Variants in MARK1 observed in about 807,000 individuals in gnomAD.
MARK1 encodes serine/threonine-protein kinase MARK1.
MARK1 carries 40 observed loss-of-function variants against 96.3 expected under a neutral mutation model. The observed-to-expected ratio is 0.42, with a 90% CI of 0.32 to 0.54. The LOEUF (loss-of-function observed/expected upper bound fraction) is 0.54. MARK1 is among the 20% of genes least tolerant of loss of function. The pLI is 0.16. For synonymous variants in MARK1, 317 were observed against 341.2 expected (o/e 0.93, Z 0.78); for missense variants, 719 against 984.6 (o/e 0.73, Z 3.61).
intron 1 of MARK1, among the ~76,000 whole-genome samples, chr1:220,545,439 G>GTTTTTTTTT (rs35422682): frequency 5.7e-5 from 5 of 87,258 alleles, no homozygotes; most frequent in Admixed American, 1.6e-4. Context: ...CTTTCTCATG[G>GTTTTTTTTT]TTTTTTTTTT....
At chr1:220,588,629 C>T (rs1040912002) in intron 3 of MARK1, among the ~76,000 whole-genome samples, 1 of 152,112 alleles carries the variant, frequency 6.6e-6, no homozygotes, top group African/African-American at 2.4e-5. Context: ...TACTTGACAT[C>T]CCAATGAGAT....
chr1:220,618,819 G>C lies in MARK1; in HGVS notation c.909+64G>C, dbSNP rs1302768340. The C allele has an allele frequency of 7.2e-7, 1 of 1,385,084 alleles. No homozygotes were observed. The highest frequency in any genetic ancestry group is 9.7e-7 in the Non-Finnish European group (1 of 1,030,210). 85.8% of individuals were successfully genotyped at this position (1,385,084 alleles called of 1,614,324 possible). On this transcript the variant is annotated intron_variant, in intron 9 of 17. Coordinates refer to ENST00000366917, the MANE Select transcript of MARK1 (RefSeq NM_018650.5). The surrounding 1 kb of genome is among the most constrained non-coding windows in gnomAD (Gnocchi z 4.6). Reference sequence around the variant, plus strand: ...ATTAAAATATTCCAGGAACCGAAGAGCATTTTTCTCCTATGTTTTCTTAGG... The same window carrying C: ...ATTAAAATATTCCAGGAACCGAAGACCATTTTTCTCCTATGTTTTCTTAGG...
chr1:220,580,966 A>G (rs1202802583), intron 2 of MARK1, 99 bp from the exon 3 acceptor site: 10 of 432,348 alleles, frequency 2.3e-5, no homozygotes, highest in East Asian at 1.8e-4. Flanking sequence ...GAGCTAAATT[A>G]TATCTAGTTA....
intron 7 of MARK1, among the ~76,000 whole-genome samples, chr1:220,616,282 G>T (rs978802708): frequency 6.6e-6 from 1 of 152,202 alleles, no homozygotes; most frequent in Admixed American, 6.5e-5. Flanking sequence ...CCAGCCAAAA[G>T]TGTGGGACCT....
At chr1:220,642,752 C>T (rs189073255) in intron 13 of MARK1, among the ~76,000 whole-genome samples, 2,210 of 152,218 alleles carry the variant, frequency 0.015, 31 homozygotes, top group Middle Eastern at 0.044. Context: ...CCCTCTGGGA[C>T]GAAGCTTCCA....
At chr1:220,620,614 T>C (rs955567240) in intron 9 of MARK1, among the ~76,000 whole-genome samples, 13 of 152,162 alleles carry the variant, frequency 8.5e-5, no homozygotes, top group Non-Finnish European at 1.5e-4. Context: ...CCAAACACTT[T>C]AGTCTTTTAT....
At chr1:220,658,065 G>A (rs1669275357) in intron 17 of MARK1, among the ~76,000 whole-genome samples, 1 of 152,104 alleles carries the variant, frequency 6.6e-6, no homozygotes, top group Non-Finnish European at 1.5e-5. Flanking sequence ...TATAGAAATA[G>A]GCTTTCTGTT....
intron 1 of MARK1, among the ~76,000 whole-genome samples, chr1:220,555,021 A>G (rs1366696731): frequency 1.3e-5 from 2 of 152,212 alleles, no homozygotes; most frequent in African/African-American, 2.4e-5. Flanking sequence ...ATGAATGTGT[A>G]GGCTGTAGCA....
intron 1 of MARK1, among the ~76,000 whole-genome samples, chr1:220,565,612 G>C (rs544849358): frequency 6.6e-6 from 1 of 152,252 alleles, no homozygotes; most frequent in African/African-American, 2.4e-5. Context: ...ACTGGGAGTG[G>C]GGAGGAAACA....
At chr1:220,585,829 A>C (rs972526249) in intron 3 of MARK1, among the ~76,000 whole-genome samples, 1 of 152,166 alleles carries the variant, frequency 6.6e-6, no homozygotes, top group Admixed American at 6.5e-5. Context: ...TTTCCCAGTC[A>C]ATCTATGATT....
At chr1:220,545,531 G>C (rs1243398301) in intron 1 of MARK1, among the ~76,000 whole-genome samples, 2 of 149,286 alleles carry the variant, frequency 1.3e-5, no homozygotes. Flanking sequence ...TGGCCTTCCG[G>C]GTTCAATCAA....
intron 17 of MARK1, among the ~76,000 whole-genome samples, 177 bp downstream of exon 17, chr1:220,658,011 C>G (rs964727749): frequency 3.3e-5 from 5 of 152,164 alleles, no homozygotes; most frequent in African/African-American, 1.2e-4. Context: ...AGTCAGTCAA[C>G]TTTAAGTTTG....
At chr1:220,653,044 G>C in intron 15 of MARK1, 57 bp from the exon 16 acceptor site, 3 of 1,590,462 alleles carry the variant, frequency 1.9e-6, no homozygotes, top group Non-Finnish European at 2.6e-6. Context: ...TTTTTAGCTT[G>C]AGTGAAAGGT....
intron 3 of MARK1, among the ~76,000 whole-genome samples, chr1:220,591,078 A>G (rs1664951103): frequency 6.6e-6 from 1 of 152,176 alleles, no homozygotes; most frequent in South Asian, 2.1e-4. Context: ...TTTTCACAAA[A>G]TGATTTTAAT....
At chr1:220,591,769 G>A (rs988057739) in intron 3 of MARK1, among the ~76,000 whole-genome samples, 1 of 151,894 alleles carries the variant, frequency 6.6e-6, no homozygotes, top group Non-Finnish European at 1.5e-5. Flanking sequence ...TTTGAGTTTG[G>A]TTCTGCCAAT....
At chr1:220,543,182 C>T (rs1284356760) in intron 1 of MARK1, among the ~76,000 whole-genome samples, 1 of 152,140 alleles carries the variant, frequency 6.6e-6, no homozygotes, top group Non-Finnish European at 1.5e-5. Context: ...AAGCAGTTGT[C>T]CACTGCTTCC....
At chr1:220,607,171 ATTTG>A (rs1666131350) in intron 6 of MARK1, among the ~76,000 whole-genome samples, 1 of 152,144 alleles carries the variant, frequency 6.6e-6, no homozygotes, top group Non-Finnish European at 1.5e-5. Context: ...ATATTCTTCC[ATTTG>A]TTTGTGTCCT....
chr1:220,576,388 C>T (rs960452056), intron 1 of MARK1, among the ~76,000 whole-genome samples: 9 of 148,724 alleles, frequency 6.1e-5, no homozygotes, highest in African/African-American at 2.0e-4. Flanking sequence ...GCTTGGGACT[C>T]GCATACCATC....
chr1:220,573,836 G>A (rs189075782), intron 1 of MARK1, among the ~76,000 whole-genome samples: 1 of 151,528 alleles, frequency 6.6e-6, no homozygotes, highest in Non-Finnish European at 1.5e-5. Context: ...TATATATGTA[G>A]TATATATTGT....
Sources: allele counts gnomAD v4.1 joint callset (sites outside exome capture counted in the v4.1 genomes callset), GRCh38; gene constraint gnomAD v4.1.1; non-coding constraint Gnocchi (gnomAD v3.1); transcripts MANE v1.5; gene names NCBI Gene and HGNC (gene_info 2026-07-23, HGNC 2026-07-21).